The following DCC variants were observed in gnomAD, a reference collection of about 807,000 sequenced individuals.
DCC encodes DCC netrin 1 receptor.
A neutral mutation model predicts 172.5 loss-of-function variants in DCC; 58 were observed. The ratio of observed to expected loss-of-function variants is 0.34; its 90% CI spans 0.27 to 0.42. The LOEUF is 0.42. Among genes scored for constraint, DCC ranks in the 10% least tolerant of loss-of-function variants. The pLI is 1.00. For missense variants in DCC, 1,740 were observed against 1,791.0 expected (o/e 0.97, Z 0.51); for synonymous variants, 709 against 644.5 (o/e 1.10, Z -1.52).
At chr18:52,960,587 A>G (rs1313535403) in intron 5 of DCC, among the ~76,000 whole-genome samples, 3 of 152,104 alleles carry the variant, frequency 2.0e-5, no homozygotes. Context: ...AAGATGACAT[A>G]TTTGATATAA....
Position 52,776,437 on chromosome 18 carries a change from A to T in DCC, c.412+24063A>T, listed in dbSNP as rs150639161. Among the ~76,000 whole-genome samples the T allele has an allele frequency of 5.2e-4, 79 of 152,292 alleles. 1 individual carries two copies. In the East Asian group the frequency reaches 0.015, roughly 28 times the overall value. On this transcript the variant is annotated intron_variant, in intron 2 of 28. Coordinates refer to ENST00000442544, the MANE Select transcript of DCC (RefSeq NM_005215.4). ...TCAAGGAATACAGGAAGTCTATAAGATCTGTTCTATTTTTAAAAAAGCTGG... is the reference window on the plus strand; with the variant it reads ...TCAAGGAATACAGGAAGTCTATAAGTTCTGTTCTATTTTTAAAAAAGCTGG...
chr18:52,869,666 A>T (rs1319229258), intron 2 of DCC, among the ~76,000 whole-genome samples: 1 of 152,188 alleles, frequency 6.6e-6, no homozygotes, highest in Non-Finnish European at 1.5e-5. Flanking sequence ...AGCTGCCCTC[A>T]GCCCTCCCTT....
At chr18:52,471,975 G>A (rs554922024) in intron 1 of DCC, among the ~76,000 whole-genome samples, 40 of 152,304 alleles carry the variant, frequency 2.6e-4, no homozygotes, top group Non-Finnish European at 4.4e-4. Flanking sequence ...TGCTTCATGA[G>A]GCTGAGAGAA....
chr18:52,394,051 C>T (rs538362021), intron 1 of DCC, among the ~76,000 whole-genome samples: 11 of 151,994 alleles, frequency 7.2e-5, no homozygotes, highest in African/African-American at 1.2e-4. Context: ...AAATTGTCAT[C>T]GGCTAAATCC....
chr18:52,818,923 C>A (rs549935495), intron 2 of DCC, among the ~76,000 whole-genome samples: 1 of 152,132 alleles, frequency 6.6e-6, no homozygotes, highest in Admixed American at 6.5e-5. Flanking sequence ...CTAAGACTTG[C>A]ATTCTTAATT....
intron 1 of DCC, among the ~76,000 whole-genome samples, chr18:52,459,631 C>T (rs891779057): frequency 9.9e-5 from 15 of 151,904 alleles, no homozygotes; most frequent in Non-Finnish European, 1.6e-4. Flanking sequence ...CCACGCCCGG[C>T]TAATTTTTTT....
intron 25 of DCC, among the ~76,000 whole-genome samples, chr18:53,483,567 A>T (rs902146821): frequency 4.0e-5 from 6 of 151,890 alleles, no homozygotes; most frequent in African/African-American, 4.8e-5. Flanking sequence ...TTCTCCTTGA[A>T]CTGGAATCTA....
intron 15 of DCC, among the ~76,000 whole-genome samples, chr18:53,346,300 G>A (rs1167601926): frequency 6.6e-6 from 1 of 151,994 alleles, no homozygotes; most frequent in Non-Finnish European, 1.5e-5. Context: ...TTGCCTGTGT[G>A]TTTTATGCTT....
intron 21 of DCC, among the ~76,000 whole-genome samples, chr18:53,430,556 C>T (rs1475358929): frequency 9.9e-5 from 15 of 152,084 alleles, no homozygotes; most frequent in Admixed American, 9.2e-4. Flanking sequence ...TCTCAATCTG[C>T]CCATGTGTGC....
intron 25 of DCC, among the ~76,000 whole-genome samples, chr18:53,472,917 C>G (rs2045715705): frequency 6.6e-6 from 1 of 152,198 alleles, no homozygotes; most frequent in Non-Finnish European, 1.5e-5. Context: ...TTCTGTTACT[C>G]TATCCTTATA....
At chr18:53,248,834 G>A (rs188654649) in intron 12 of DCC, among the ~76,000 whole-genome samples, 40 of 152,020 alleles carry the variant, frequency 2.6e-4, no homozygotes, top group Non-Finnish European at 4.4e-4. Context: ...ATTCTTTCTC[G>A]TCAGTACATA....
chr18:53,033,372 G>A (rs925750087), intron 5 of DCC, among the ~76,000 whole-genome samples: 10 of 152,090 alleles, frequency 6.6e-5, no homozygotes, highest in Non-Finnish European at 1.3e-4. Context: ...GATTTCCCAA[G>A]CACTGTGAGA....
chr18:53,373,586 T>G (rs981583339), intron 15 of DCC, among the ~76,000 whole-genome samples: 14 of 152,222 alleles, frequency 9.2e-5, no homozygotes, highest in African/African-American at 2.2e-4. Flanking sequence ...CATGTTTTAT[T>G]AAAGCACAAG....
chr18:52,733,367 T>C (rs1434795101), intron 1 of DCC, among the ~76,000 whole-genome samples: 3 of 152,200 alleles, frequency 2.0e-5, no homozygotes, highest in South Asian at 4.1e-4. Context: ...GTTCACAGTT[T>C]CCTTCAGTTA....
chr18:52,652,750 G>A (rs2035166084), intron 1 of DCC, among the ~76,000 whole-genome samples: 1 of 151,872 alleles, frequency 6.6e-6, no homozygotes, highest in East Asian at 1.9e-4. Context: ...GGGTGGAGGA[G>A]GAGTGGTTTG....
At chr18:53,298,483 G>T (rs1214994621) in intron 12 of DCC, among the ~76,000 whole-genome samples, 1 of 119,930 alleles carries the variant, frequency 8.3e-6, no homozygotes, top group Non-Finnish European at 1.6e-5. Context: ...AGCCCTGATT[G>T]CACCACTGCA....
At chr18:53,201,901 C>T (rs2055543115) in intron 9 of DCC, among the ~76,000 whole-genome samples, 1 of 151,974 alleles carries the variant, frequency 6.6e-6, no homozygotes, top group Non-Finnish European at 1.5e-5. Context: ...TGTGAAATAA[C>T]ACATCAAAGA....
At chr18:52,518,606 C>A (rs529843419) in intron 1 of DCC, among the ~76,000 whole-genome samples, 1 of 152,186 alleles carries the variant, frequency 6.6e-6, no homozygotes, top group South Asian at 2.1e-4. Flanking sequence ...AGAAAAAGGG[C>A]AGTGCAGAAA....
At chr18:53,023,398 GACCAAAAAAAAAAAA>G (rs1267202669) in intron 5 of DCC, among the ~76,000 whole-genome samples, 7 of 103,038 alleles carry the variant, frequency 6.8e-5, no homozygotes, top group Non-Finnish European at 7.4e-5. Flanking sequence ...ATATAACTCA[GACCAAAAAAAAAAAA>G]AAAAAAAAAA....
Sources: gnomAD v4.1 joint callset for allele counts (sites outside exome capture counted in the v4.1 genomes callset) on GRCh38, gnomAD v4.1.1 for gene constraint, MANE v1.5 for transcripts, NCBI Gene and HGNC (gene_info 2026-07-23, HGNC 2026-07-21) for gene names.